The following FAM228B variants were observed in gnomAD, a reference collection of about 807,000 sequenced individuals.
The protein encoded by FAM228B is family with sequence similarity 228 member B.
In FAM228B, 38 loss-of-function variants were observed where a neutral mutation model predicts 42.6. That is an observed-to-expected ratio of 0.89 (90% CI 0.69 to 1.17). The LOEUF is 1.17. Among genes scored for constraint, FAM228B ranks in the 50% most tolerant of loss-of-function variants. The probability of loss-of-function intolerance (pLI) is 0.00; values close to 1 mark genes in which losing one functional copy is unlikely to be tolerated. For missense variants in FAM228B, 344 were observed against 367.3 expected (o/e 0.94, Z 0.52); for synonymous variants, 109 against 122.3 (o/e 0.89, Z 0.72).
intron 2 of FAM228B, among the ~76,000 whole-genome samples, chr2:24,092,933 C>CAT (rs1263056736): frequency 6.7e-6 from 1 of 149,576 alleles, no homozygotes; most frequent in African/African-American, 2.5e-5. Context: ...TGCACACACA[C>CAT]ACACACACAC....
intron 3 of FAM228B, among the ~76,000 whole-genome samples, chr2:24,113,000 T>TCG (rs199967019): frequency 0.12 from 18,084 of 152,194 alleles, 1,246 homozygotes; most frequent in South Asian, 0.18. Flanking sequence ...ACACAGTTAG[T>TCG]CTTCAGGACT....
Position 24,144,102 on chromosome 2 carries a change from G to A in FAM228B, c.442-2646G>A, listed in dbSNP as rs529027559. ...GATAGGTGTCTCCGGACTTATAATT[G>A]TCGATAAAACTTTAGATTGTTGTTT... On this transcript the variant is annotated intron_variant, in intron 5 of 10. Coordinates refer to ENST00000615575, the MANE Select transcript of FAM228B (RefSeq NM_001145710.2). Among the ~76,000 whole-genome samples, 173 of 152,110 alleles carry A rather than the reference G, an allele frequency of 1.1e-3. 1 individual carries two copies. The highest frequency in any genetic ancestry group is 1.7e-3 in the Non-Finnish European group (116 of 67,998).
At chr2:24,136,852 C>T (rs6721278) in intron 3 of FAM228B, among the ~76,000 whole-genome samples, 17,925 of 152,100 alleles carry the variant, frequency 0.12, 1,249 homozygotes, top group South Asian at 0.18. Context: ...GTTGTGCAAC[C>T]ATCACCACTA....
chr2:24,168,325 G>T (rs1010545725), intron 10 of FAM228B, among the ~76,000 whole-genome samples: 2 of 152,234 alleles, frequency 1.3e-5, no homozygotes, highest in African/African-American at 4.8e-5. Context: ...CAAGGAGGCA[G>T]AGCTGGTGAA....
At chr2:24,157,033 C>A (rs1667165344) in intron 7 of FAM228B, among the ~76,000 whole-genome samples, 1 of 152,096 alleles carries the variant, frequency 6.6e-6, no homozygotes, top group African/African-American at 2.4e-5. Context: ...TCACTATTAT[C>A]CTTCAGTTCA....
At chr2:24,106,791 TGGATG>T (rs1353819712) in intron 3 of FAM228B, among the ~76,000 whole-genome samples, 2 of 152,014 alleles carry the variant, frequency 1.3e-5, no homozygotes, top group Admixed American at 6.6e-5. Context: ...GTAGCAAATA[TGGATG>T]GGAAAGACCA....
At chr2:24,144,168 A>G (rs1365259499) in intron 5 of FAM228B, among the ~76,000 whole-genome samples, 2 of 152,190 alleles carry the variant, frequency 1.3e-5, no homozygotes, top group Non-Finnish European at 2.9e-5. Context: ...TGGTCTGGGC[A>G]TGGTGGCTCA....
Position 24,095,908 on chromosome 2 carries a change from GA to G in FAM228B, c.-121+680del, listed in dbSNP as rs1359642819. 1 of 152,360 alleles carries G rather than the reference GA, an allele frequency of 6.6e-6. No homozygotes were observed. The highest frequency in any genetic ancestry group is 1.5e-5 in the Non-Finnish European group (1 of 68,154). The allele number at this position is 152,360 out of a possible 1,614,324, so 9.4% of individuals were successfully genotyped here. A position where few individuals can be genotyped will look rare whatever the true frequency, so the allele number is the denominator to read the frequency against. On this transcript the variant is annotated intron_variant, in intron 3 of 10. Coordinates refer to the FAM228B transcript ENST00000613899. The surrounding 1 kb of genome is among the most constrained non-coding windows in gnomAD (Gnocchi z 4.8). ...CTGCCTCTCTGGGACGAAGCTTCCA[GA>G]GGAAGGATCAGGAAGTAGTATTTGC... is the stretch of plus-strand genomic sequence containing the variant.
At chr2:24,123,772 C>A (rs987609520) in intron 1 of FAM228B, among the ~76,000 whole-genome samples, 4 of 151,946 alleles carry the variant, frequency 2.6e-5, no homozygotes, top group African/African-American at 9.6e-5. Context: ...GCGTGGAGGC[C>A]GCAGGCGCCC....
intron 2 of FAM228B, among the ~76,000 whole-genome samples, chr2:24,085,429 C>G (rs561879600): frequency 2.6e-5 from 4 of 152,238 alleles, no homozygotes; most frequent in South Asian, 4.1e-4. Flanking sequence ...TCGTCCTGTG[C>G]ATCGTAGGAT....
intron 3 of FAM228B, among the ~76,000 whole-genome samples, chr2:24,099,799 C>G: frequency 6.6e-6 from 1 of 152,048 alleles, no homozygotes; most frequent in Non-Finnish European, 1.5e-5. Context: ...AAAAAGAACC[C>G]CCCATTACCA....
chr2:24,139,982 T>A (rs2151020110), intron 5 of FAM228B, among the ~76,000 whole-genome samples: 1 of 152,360 alleles, frequency 6.6e-6, no homozygotes, highest in Non-Finnish European at 1.5e-5. Flanking sequence ...ATTTTCTTCA[T>A]TGCATGATAT....
At chr2:24,132,191 T>C (rs1273579858) in intron 2 of FAM228B, among the ~76,000 whole-genome samples, 4 of 152,200 alleles carry the variant, frequency 2.6e-5, no homozygotes, top group African/African-American at 9.7e-5. Flanking sequence ...AACTTGATGG[T>C]GGTGGATAAG....
intron 7 of FAM228B, among the ~76,000 whole-genome samples, chr2:24,151,786 G>A (rs917877692): frequency 5.9e-5 from 9 of 151,954 alleles, no homozygotes; most frequent in Non-Finnish European, 1.3e-4. Context: ...GGGTTCAGGC[G>A]ATTCTCCTGC....
At chr2:24,122,395 A>G, upstream of FAM228B, 4 of 1,459,482 alleles carry the variant, frequency 2.7e-6, no homozygotes, top group Admixed American at 1.8e-5. Flanking sequence ...ATCAAGTCTT[A>G]GGTCCAAACT....
intron 3 of FAM228B, among the ~76,000 whole-genome samples, chr2:24,116,973 A>G (rs1480096132): frequency 6.6e-6 from 1 of 152,012 alleles, no homozygotes; most frequent in Admixed American, 6.6e-5. Context: ...CAATGTTACA[A>G]ATGTGACTCT....
intron 2 of FAM228B, among the ~76,000 whole-genome samples, chr2:24,132,670 A>T: frequency 6.6e-6 from 1 of 151,390 alleles, no homozygotes. Context: ...TTTTTTTCTT[A>T]AGTGTGGATC....
At chr2:24,109,174 A>G (rs1292223774) in intron 3 of FAM228B, among the ~76,000 whole-genome samples, 1 of 118,188 alleles carries the variant, frequency 8.5e-6, no homozygotes, top group Non-Finnish European at 2.0e-5. Context: ...GTAATGGCAA[A>G]AAAAAAAAAA....
intron 1 of FAM228B, chr2:24,078,840 C>G (rs575540186): frequency 1.3e-5 from 2 of 152,664 alleles, no homozygotes; most frequent in Non-Finnish European, 2.9e-5. Flanking sequence ...AAGGTGGTAC[C>G]TGCTAGACTG....
Sources: allele counts gnomAD v4.1 joint callset (sites outside exome capture counted in the v4.1 genomes callset), GRCh38; gene constraint gnomAD v4.1.1; non-coding constraint Gnocchi (gnomAD v3.1); transcripts MANE v1.5; gene names NCBI Gene and HGNC (gene_info 2026-07-23, HGNC 2026-07-21).